The following ATM variants were observed in gnomAD, a reference collection of about 807,000 sequenced individuals.
The protein encoded by ATM is ATM serine/threonine kinase, also known as serine-protein kinase ATM.
ATM carries 308 observed loss-of-function variants against 387.0 expected under a neutral mutation model. The observed-to-expected ratio is 0.80, with a 90% CI of 0.73 to 0.87. The LOEUF is 0.87. Ranked by LOEUF, ATM falls within the 40% of genes least tolerant of loss-of-function variation. The pLI is 0.00. For missense variants in ATM, 3,312 were observed against 3,560.9 expected, an observed-to-expected ratio of 0.93 and a Z score of 1.78; for synonymous variants, 1,156 against 1,187.3, an observed-to-expected ratio of 0.97 and a Z score of 0.54.
intron 29 of ATM, among the ~76,000 whole-genome samples, chr11:108,290,843 G>T (rs895177222): frequency 1.4e-5 from 2 of 142,132 alleles, no homozygotes; most frequent in African/African-American, 5.5e-5. Context: ...AAAAAAAAAA[G>T]CACTACTTCT....
In ATM at chr11:108,299,865, T is replaced by C. The variant is rs786203254; in HGVS notation, c.5157T>C (p.Asn1719=). The change falls in exon 34 of 63, where the codon AAT becomes AAC. Residue 1719 remains asparagine (N), a synonymous_variant. Coordinates refer to ENST00000675843, the MANE Select transcript of ATM (RefSeq NM_000051.4). ...QWTFIMLTYL[N]NTLVEDCVKV... is the part of the protein sequence containing the mutation. ...CCTTCATAATGCTGACCTACCTGAATAACACACTGGTAGAAGATTGGTGAG... is the reference window on the plus strand; with the variant it reads ...CCTTCATAATGCTGACCTACCTGAACAACACACTGGTAGAAGATTGGTGAG... 5.6e-6 allele frequency: 9 copies of C among 1,613,736 alleles called. No individual in the cohort carries two copies. The highest frequency in any genetic ancestry group is 6.8e-6 in the Non-Finnish European group (8 of 1,179,832).
In ATM at chr11:108,365,317, G is replaced by A. The variant is rs1555151666; in HGVS notation, c.8988-8G>A. The A allele has an allele frequency of 6.2e-7, 1 of 1,614,152 alleles. No individual in the cohort carries two copies. The highest frequency in any genetic ancestry group is 8.5e-7 in the Non-Finnish European group (1 of 1,180,026). On this transcript the variant is annotated splice_polypyrimidine_tract_variant and splice_region_variant and intron_variant, in intron 62 of 62. Coordinates refer to ENST00000675843, the MANE Select transcript of ATM (RefSeq NM_000051.4). Reference sequence around the variant, plus strand: ...ACCTCACTGAAACCTTTGTGTTTTTGTCCTTAGTGATATTGACCAGAGTTT... The same window carrying A: ...ACCTCACTGAAACCTTTGTGTTTTTATCCTTAGTGATATTGACCAGAGTTT...
At chr11:108,260,274 A>T (rs964441927) in intron 16 of ATM, among the ~76,000 whole-genome samples, 1 of 152,014 alleles carries the variant, frequency 6.6e-6, no homozygotes, top group Non-Finnish European at 1.5e-5. Flanking sequence ...ACCTCAAATG[A>T]TCTGTCCACC....
chr11:108,350,306 C>A (rs893574305), intron 59 of ATM, among the ~76,000 whole-genome samples: 1 of 152,106 alleles, frequency 6.6e-6, no homozygotes, highest in African/African-American at 2.4e-5. Context: ...TGAGAGTAAT[C>A]AAACTTATTG....
chr11:108,321,760 C>T (rs2085247553), intron 45 of ATM, among the ~76,000 whole-genome samples: 1 of 151,010 alleles, frequency 6.6e-6, no homozygotes, highest in Non-Finnish European at 1.5e-5. Context: ...GGATTCCAGC[C>T]TGGGCAACAG....
At chr11:108,270,770 A>G (rs2081530459) in intron 18 of ATM, among the ~76,000 whole-genome samples, 1 of 152,120 alleles carries the variant, frequency 6.6e-6, no homozygotes, top group African/African-American at 2.4e-5. Flanking sequence ...ATCTCGGCTC[A>G]CTGCAACCTT....
intron 40 of ATM, among the ~76,000 whole-genome samples, chr11:108,313,288 C>T (rs2084329045): frequency 6.6e-6 from 1 of 152,148 alleles, no homozygotes; most frequent in Admixed American, 6.5e-5. Flanking sequence ...TTTAAAAATT[C>T]CCTTTCTCAC....
chr11:108,353,695 T>G, intron 59 of ATM, 71 bp from the exon 60 acceptor site: 1 of 1,266,270 alleles, frequency 7.9e-7, no homozygotes, highest in Non-Finnish European at 1.2e-6. Flanking sequence ...CTTTGTAAAG[T>G]TCACATTCTA....
rs1064795034 is a variant in ATM, at chr11:108,334,999, G to A, written c.8041G>A (p.Val2681Met). The change falls in exon 55 of 63, where the codon GTG (valine) becomes ATG (methionine). Residue 2681 changes from valine to methionine, a missense_variant. Transcript: ENST00000675843. ...CCACACAGGAGAATATGGAAATCTG[G>A]TGACTATACAGTCATTTAAAGCAGA... is the stretch of plus-strand genomic sequence containing the variant. ...VDHTGEYGNL[V>M]TIQSFKAEFR... The A allele has an allele frequency of 1.2e-6, 2 of 1,613,362 alleles. No individual in the cohort carries two copies. Among genetic ancestry groups the A allele is most frequent in the Non-Finnish European group, 1.7e-6 (2 of 1,179,388 alleles).
chr11:108,282,522 T>A (rs2082284356), intron 24 of ATM, among the ~76,000 whole-genome samples, 188 bp from the exon 25 acceptor site: 1 of 152,212 alleles, frequency 6.6e-6, no homozygotes, highest in Admixed American at 6.5e-5. Flanking sequence ...ATTAAGGGTT[T>A]GCTATGTGTC....
intron 5 of ATM, chr11:108,236,140 G>A (rs1364329071): frequency 7.5e-6 from 3 of 399,476 alleles, no homozygotes; most frequent in African/African-American, 4.1e-5. Context: ...AGTTCATAAT[G>A]TGCTGTGATA....
intron 5 of ATM, chr11:108,236,495 A>T (rs1463759432): frequency 6.6e-6 from 1 of 151,114 alleles, no homozygotes; most frequent in Non-Finnish European, 1.5e-5. Context: ...ATCACACTGC[A>T]CTCCGGCCTC....
Position 108,259,011 on chromosome 11 carries a change from G to A in ATM, c.2402G>A (p.Gly801Asp), listed in dbSNP as rs1591551289. The change falls in exon 16 of 63, where the codon GGC becomes GAC. Residue 801 changes from glycine to aspartate, a missense_variant. Physicochemically the swap from Gly to Asp is moderately conservative, Grantham distance 94. This residue lies in a region of ATM where 1,791 missense variants were observed against 1,804.5 expected (regional missense o/e 0.99). Transcript: ENST00000675843. ...AAGAGTCCAAATAAGATTGCATCTG[G>A]CTTTTTCCTGCGATTGTTAACATCA... The part of the protein sequence containing the change: ...TKKSPNKIAS[G>D]FFLRLLTSKL... 1 of 1,613,714 alleles carries A rather than the reference G, an allele frequency of 6.2e-7. No homozygotes were observed. The highest frequency in any genetic ancestry group is 8.5e-7 in the Non-Finnish European group (1 of 1,179,900).
chr11:108,268,366 G>C (rs751346430), intron 17 of ATM, 44 bp from the exon 18 acceptor site: 1 of 1,573,846 alleles, frequency 6.4e-7, no homozygotes, highest in Non-Finnish European at 8.7e-7. Flanking sequence ...ATATATGGCT[G>C]TTGTGCCCTT....
Position 108,367,178 on chromosome 11 carries a change from G to A in ATM, c.*1670G>A, listed in dbSNP as rs886047623. On this transcript the variant is annotated 3_prime_UTR_variant, in exon 63 of 63. Transcript: ENST00000675843. ...AATTTTTTGTATTTTTATTAGAGACGGAGTTTCACCGTGTTAGCCAGGATG... is the reference window on the plus strand; with the variant it reads ...AATTTTTTGTATTTTTATTAGAGACAGAGTTTCACCGTGTTAGCCAGGATG... The A allele has an allele frequency of 7.3e-5, 13 of 177,590 alleles. No homozygotes were observed. Among genetic ancestry groups the A allele is most frequent in the South Asian group, 2.0e-4 (1 of 5,024 alleles). The allele number at this position is 177,590 out of a possible 1,614,324, so 11.0% of individuals were successfully genotyped here.
intron 59 of ATM, among the ~76,000 whole-genome samples, chr11:108,351,179 T>C (rs745745048): frequency 2.0e-5 from 3 of 152,188 alleles, no homozygotes; most frequent in Non-Finnish European, 4.4e-5. Context: ...TCCATTTACA[T>C]AAAATTCAAA....
intron 16 of ATM, among the ~76,000 whole-genome samples, chr11:108,265,123 A>T (rs954701161): frequency 4.0e-5 from 6 of 150,798 alleles, no homozygotes; most frequent in African/African-American, 1.5e-4. Context: ...ACAGAATTGG[A>T]AAAAACTACT....
chr11:108,361,712 T>A (rs902798199), intron 61 of ATM, among the ~76,000 whole-genome samples: 6 of 151,594 alleles, frequency 4.0e-5, no homozygotes, highest in African/African-American at 1.5e-4. Context: ...ATTCCCTATT[T>A]AATAAATGGT....
rs587782255 is a variant in ATM, at chr11:108,259,023, G to A, written c.2414G>A (p.Arg805Gln). 16 of 1,613,744 alleles carry A rather than the reference G, an allele frequency of 9.9e-6. No homozygotes were observed. Among genetic ancestry groups the A allele is most frequent in the South Asian group, 7.7e-5 (7 of 91,080 alleles). ...AAGATTGCATCTGGCTTTTTCCTGC[G>A]ATTGTTAACATCAAAGCTAATGAAT... ...PNKIASGFFL[R>Q]LLTSKLMNDI... The change falls in exon 16 of 63, where the codon CGA (arginine) becomes CAA (glutamine). Residue 805 changes from arginine (R) to glutamine (Q), a missense_variant. Arg to Gln is a conservative substitution (Grantham distance 43). Around this residue, in one of 4 missense-constraint regions of ATM, gnomAD observed 1,791 missense variants for 1,804.5 expected, o/e 0.99. Transcript: ENST00000675843.
Sources: allele counts gnomAD v4.1 joint callset (sites outside exome capture counted in the v4.1 genomes callset), GRCh38; gene constraint gnomAD v4.1.1; regional missense constraint gnomAD v4.1.1; transcripts MANE v1.5; gene names NCBI Gene and HGNC (gene_info 2026-07-23, HGNC 2026-07-21).